Variants in ADGRL3 observed in about 807,000 individuals in gnomAD.
ADGRL3 encodes the protein adhesion G protein-coupled receptor L3.
In ADGRL3, 62 loss-of-function variants were observed where a neutral mutation model predicts 153.5. The observed-to-expected ratio is 0.40, with a 90% CI of 0.33 to 0.50. The LOEUF is 0.50. ADGRL3 is among the 20% of genes least tolerant of loss of function. ADGRL3 has a pLI of 0.47. For synonymous variants in ADGRL3, 710 were observed against 672.5 expected (o/e 1.06, Z -0.86); for missense variants, 1,641 against 1,859.4 (o/e 0.88, Z 2.16).
At chr4:62,055,137 G>A (rs2111137) in intron 25 of ADGRL3, among the ~76,000 whole-genome samples, 3,122 of 151,854 alleles carry the variant, frequency 0.021, 100 homozygotes, top group African/African-American at 0.07. Context: ...AAGCTCATAT[G>A]TCTGGACAAG....
At chr4:61,415,046 T>C (rs1039921905) in intron 2 of ADGRL3, among the ~76,000 whole-genome samples, 1 of 151,940 alleles carries the variant, frequency 6.6e-6, no homozygotes, top group Non-Finnish European at 1.5e-5. Context: ...TTTAGAGGTA[T>C]TTCTTATTTT....
At chr4:61,588,608 G>A (rs967592806) in intron 5 of ADGRL3, among the ~76,000 whole-genome samples, 5 of 151,950 alleles carry the variant, frequency 3.3e-5, no homozygotes, top group African/African-American at 9.7e-5. Context: ...CTCATGCTAA[G>A]GTGAGCATTA....
intron 17 of ADGRL3, 45 bp from the exon 18 acceptor site, chr4:61,979,518 G>A: frequency 6.6e-7 from 1 of 1,518,176 alleles, no homozygotes. Context: ...CTTTGTAATT[G>A]GTTATGCATA....
intron 2 of ADGRL3, among the ~76,000 whole-genome samples, chr4:61,486,807 C>T (rs2098199734): frequency 6.6e-6 from 1 of 152,124 alleles, no homozygotes; most frequent in Non-Finnish European, 1.5e-5. Context: ...AAAGCACATG[C>T]TTGCCTTCTG....
intron 3 of ADGRL3, among the ~76,000 whole-genome samples, chr4:61,499,775 G>A (rs1299545171): frequency 1.3e-5 from 2 of 151,992 alleles, no homozygotes; most frequent in African/African-American, 2.4e-5. Context: ...GTATTCAAAA[G>A]ATCAATCTAA....
intron 8 of ADGRL3, among the ~76,000 whole-genome samples, chr4:61,748,030 G>T (rs1053644288): frequency 6.6e-6 from 1 of 151,700 alleles, no homozygotes; most frequent in African/African-American, 2.4e-5. Flanking sequence ...CAAAATCAAT[G>T]TACAAAAATC....
At chr4:61,610,517 A>G (rs2099048719) in intron 5 of ADGRL3, among the ~76,000 whole-genome samples, 1 of 152,196 alleles carries the variant, frequency 6.6e-6, no homozygotes, top group African/African-American at 2.4e-5. Context: ...ACCTTTCATA[A>G]TGTAAATGAT....
chr4:61,882,347 C>T (rs2098513543), intron 9 of ADGRL3, among the ~76,000 whole-genome samples: 1 of 152,174 alleles, frequency 6.6e-6, no homozygotes, highest in African/African-American at 2.4e-5. Context: ...ACGTGTCTTA[C>T]ACCCCCATGC....
intron 2 of ADGRL3, among the ~76,000 whole-genome samples, chr4:61,445,646 C>T (rs748325931): frequency 3.3e-5 from 5 of 152,162 alleles, no homozygotes; most frequent in African/African-American, 9.7e-5. Context: ...ATCGTCTCTC[C>T]TTCATTGTAG....
intron 5 of ADGRL3, among the ~76,000 whole-genome samples, chr4:61,664,805 T>G (rs1460830342): frequency 2.0e-5 from 3 of 152,214 alleles, no homozygotes; most frequent in Non-Finnish European, 4.4e-5. Context: ...GTACTTTTCA[T>G]TAGACAGGGG....
At chr4:61,658,906 A>G (rs2094515512) in intron 5 of ADGRL3, among the ~76,000 whole-genome samples, 3 of 152,182 alleles carry the variant, frequency 2.0e-5, no homozygotes, top group African/African-American at 7.2e-5. Context: ...TACCACAAAC[A>G]GGGTAGCTTA....
At chr4:62,051,636 T>C (rs1189322190) in intron 25 of ADGRL3, among the ~76,000 whole-genome samples, 5 of 151,772 alleles carry the variant, frequency 3.3e-5, no homozygotes, top group Non-Finnish European at 7.4e-5. Flanking sequence ...AAACAGTTTG[T>C]ATTTATTATT....
chr4:61,755,180 T>C (rs994671399), intron 8 of ADGRL3, among the ~76,000 whole-genome samples: 5 of 152,208 alleles, frequency 3.3e-5, no homozygotes, highest in African/African-American at 1.2e-4. Flanking sequence ...TCTAGATCCC[T>C]GAGGAATCGC....
At chr4:61,568,191 T>C (rs920772158) in intron 4 of ADGRL3, among the ~76,000 whole-genome samples, 1 of 152,164 alleles carries the variant, frequency 6.6e-6, no homozygotes, top group Admixed American at 6.6e-5. Context: ...CTTTCATTTT[T>C]AATCTCTTTT....
At chr4:61,476,961 T>C (rs905971874) in intron 2 of ADGRL3, among the ~76,000 whole-genome samples, 2 of 151,892 alleles carry the variant, frequency 1.3e-5, no homozygotes, top group African/African-American at 4.8e-5. Flanking sequence ...ATTATTTATT[T>C]ATGTAGTTAG....
intron 8 of ADGRL3, among the ~76,000 whole-genome samples, chr4:61,740,122 G>GT (rs1341507551): frequency 6.6e-6 from 1 of 152,118 alleles, no homozygotes; most frequent in Non-Finnish European, 1.5e-5. Flanking sequence ...CACTTCCTCT[G>GT]TTTTTTCTGG....
intron 4 of ADGRL3, among the ~76,000 whole-genome samples, chr4:61,536,432 C>G (rs2098656702): frequency 6.6e-6 from 1 of 151,958 alleles, no homozygotes; most frequent in South Asian, 2.1e-4. Context: ...TCCTGAGTTT[C>G]TTTGTTTTCT....
chr4:61,271,710 A>G (rs886483103), intron 1 of ADGRL3, among the ~76,000 whole-genome samples: 1 of 152,022 alleles, frequency 6.6e-6, no homozygotes, highest in East Asian at 1.9e-4. Flanking sequence ...ATTAATGTGT[A>G]AATGACCTTT....
intron 3 of ADGRL3, 88 bp from the exon 4 acceptor site, chr4:61,517,227 C>A: frequency 1.5e-6 from 1 of 661,418 alleles, no homozygotes. Flanking sequence ...CGGCAGAGAG[C>A]AGCCTTGGGA....
Sources: gnomAD v4.1 joint callset for allele counts (sites outside exome capture counted in the v4.1 genomes callset) on GRCh38, gnomAD v4.1.1 for gene constraint, MANE v1.5 for transcripts, NCBI Gene and HGNC (gene_info 2026-07-23, HGNC 2026-07-21) for gene names.